The following KHDRBS2 variants were observed in gnomAD, a reference collection of about 807,000 sequenced individuals.
KHDRBS2 encodes KH domain-containing, RNA-binding, signal transduction-associated protein 2.
Under a neutral mutation model 44.3 loss-of-function variants are expected in KHDRBS2, and 26 were observed. The ratio of observed to expected loss-of-function variants is 0.59; its 90% CI spans 0.43 to 0.81. The LOEUF (loss-of-function observed/expected upper bound fraction) is 0.81, where lower values mean the gene tolerates loss of function less well. KHDRBS2 is among the 40% of genes least tolerant of loss of function. KHDRBS2 has a pLI of 0.00. For synonymous variants in KHDRBS2, 194 were observed against 151.1 expected (o/e 1.28, Z -2.08); for missense variants, 476 against 433.1 (o/e 1.10, Z -0.88).
At chr6:62,129,076 T>G (rs1371655402) in intron 2 of KHDRBS2, among the ~76,000 whole-genome samples, 3 of 152,138 alleles carry the variant, frequency 2.0e-5, no homozygotes, top group African/African-American at 7.2e-5. Flanking sequence ...GTGTATCATA[T>G]TCAATGTATT....
the KHDRBS2 span, among the ~76,000 whole-genome samples, chr6:61,597,697 A>G: frequency 1.5e-5 from 2 of 133,312 alleles, no homozygotes; most frequent in Admixed American, 8.0e-5. Context: ...GGAGATCTTA[A>G]GCTTTCCAAA....
chr6:61,856,908 C>T (rs1290078883), intron 6 of KHDRBS2, among the ~76,000 whole-genome samples: 5 of 151,908 alleles, frequency 3.3e-5, no homozygotes, highest in African/African-American at 1.2e-4. Flanking sequence ...ACTGGTAGAA[C>T]ATATTGGGAA....
chr6:62,270,987 G>A (rs1024331765), intron 1 of KHDRBS2, among the ~76,000 whole-genome samples: 2 of 152,028 alleles, frequency 1.3e-5, no homozygotes, highest in Admixed American at 1.3e-4. Flanking sequence ...GTAGCTTTCA[G>A]CATTTTTTAC....
At chr6:62,250,503 G>A (rs575209462) in intron 1 of KHDRBS2, among the ~76,000 whole-genome samples, 3 of 152,080 alleles carry the variant, frequency 2.0e-5, no homozygotes, top group African/African-American at 7.2e-5. Context: ...AGAAAGGCAG[G>A]AAGTAAAGAA....
the KHDRBS2 span, among the ~76,000 whole-genome samples, chr6:61,590,455 T>A: frequency 1.3e-5 from 2 of 152,202 alleles, no homozygotes; most frequent in Non-Finnish European, 1.5e-5. Flanking sequence ...TACTCTGAGA[T>A]AAAATATTTT....
At chr6:61,617,671 C>A in the KHDRBS2 span, among the ~76,000 whole-genome samples, 7 of 152,030 alleles carry the variant, frequency 4.6e-5, no homozygotes, top group Non-Finnish European at 8.8e-5. Context: ...CTAATGTCAG[C>A]AATAGCATGT....
At chr6:61,573,745 C>T in the KHDRBS2 span, among the ~76,000 whole-genome samples, 16 of 151,184 alleles carry the variant, frequency 1.1e-4, no homozygotes, top group Admixed American at 2.6e-4. Context: ...GCTGAGATTG[C>T]GCCACTGCAC....
At chr6:61,627,651 G>C in the KHDRBS2 span, among the ~76,000 whole-genome samples, 1 of 152,192 alleles carries the variant, frequency 6.6e-6, no homozygotes, top group Non-Finnish European at 1.5e-5. Flanking sequence ...ATGAAGCTCA[G>C]TTCAGTTTTC....
intron 6 of KHDRBS2, among the ~76,000 whole-genome samples, chr6:61,844,164 G>C (rs928887360): frequency 6.6e-6 from 1 of 152,000 alleles, no homozygotes; most frequent in Non-Finnish European, 1.5e-5. Context: ...TACTTTAAAG[G>C]CCTCAAATTA....
intron 7 of KHDRBS2, among the ~76,000 whole-genome samples, chr6:61,713,542 T>TG (rs1770872785): frequency 6.6e-6 from 1 of 151,476 alleles, no homozygotes; most frequent in African/African-American, 2.4e-5. Context: ...TCTATATCCT[T>TG]GTAGTACAAT....
intron 3 of KHDRBS2, among the ~76,000 whole-genome samples, chr6:62,029,368 A>G (rs565105401): frequency 5.3e-4 from 81 of 152,026 alleles, no homozygotes; most frequent in African/African-American, 1.9e-3. Context: ...ACCTTCAAAC[A>G]GCTTTTAAGA....
chr6:61,627,865 ATTTT>A, the KHDRBS2 span, among the ~76,000 whole-genome samples: 1 of 152,082 alleles, frequency 6.6e-6, no homozygotes, highest in Non-Finnish European at 1.5e-5. Context: ...GTTCTAGTGA[ATTTT>A]CAAACCTGAG....
chr6:61,777,134 G>C (rs1330817747), intron 6 of KHDRBS2, among the ~76,000 whole-genome samples: 2 of 151,430 alleles, frequency 1.3e-5, no homozygotes, highest in South Asian at 4.2e-4. Flanking sequence ...ACCAGAGACT[G>C]TTGGGGGGTG....
intron 6 of KHDRBS2, among the ~76,000 whole-genome samples, chr6:61,823,869 G>C (rs1217927706): frequency 6.6e-6 from 1 of 152,052 alleles, no homozygotes; most frequent in African/African-American, 2.4e-5. Context: ...ATGTATATGA[G>C]TCTCTTAATG....
chr6:62,063,219 A>T (rs1792506599), intron 2 of KHDRBS2, among the ~76,000 whole-genome samples: 1 of 135,654 alleles, frequency 7.4e-6, no homozygotes, highest in Non-Finnish European at 1.7e-5. Context: ...AACTGGTACC[A>T]TTCCTTCTGA....
intron 2 of KHDRBS2, among the ~76,000 whole-genome samples, chr6:62,060,073 G>C (rs1200682554): frequency 1.3e-5 from 2 of 151,800 alleles, no homozygotes; most frequent in African/African-American, 2.4e-5. Context: ...TTGGGGCGGG[G>C]ACAGGAGAGA....
chr6:62,271,240 C>T (rs1417623148), intron 1 of KHDRBS2, among the ~76,000 whole-genome samples: 1 of 152,058 alleles, frequency 6.6e-6, no homozygotes, highest in African/African-American at 2.4e-5. Flanking sequence ...CCACATATAA[C>T]ATCGTGGTCC....
chr6:62,203,739 C>G (rs979353428), intron 1 of KHDRBS2, among the ~76,000 whole-genome samples: 1 of 152,080 alleles, frequency 6.6e-6, no homozygotes, highest in African/African-American at 2.4e-5. Context: ...TTGGCAAGAT[C>G]AGATTATTAA....
intron 6 of KHDRBS2, among the ~76,000 whole-genome samples, chr6:61,884,356 A>G (rs1482865227): frequency 6.6e-6 from 1 of 152,072 alleles, no homozygotes; most frequent in African/African-American, 2.4e-5. Context: ...GTCGTGCTGA[A>G]CTGAATTTTA....
Sources: gnomAD v4.1 joint callset for allele counts (sites outside exome capture counted in the v4.1 genomes callset) on GRCh38, gnomAD v4.1.1 for gene constraint, MANE v1.5 for transcripts, NCBI Gene and HGNC (gene_info 2026-07-23, HGNC 2026-07-21) for gene names.